The following VPS13B variants were observed in gnomAD, a reference collection of about 807,000 sequenced individuals.
The protein encoded by VPS13B is intermembrane lipid transfer protein VPS13B.
A neutral mutation model predicts 426.4 loss-of-function variants in VPS13B; 285 were observed. The ratio of observed to expected loss-of-function variants is 0.67; its 90% CI spans 0.61 to 0.74. The LOEUF (loss-of-function observed/expected upper bound fraction) is 0.74. Among genes scored for constraint, VPS13B ranks in the 30% least tolerant of loss-of-function variants. The probability of loss-of-function intolerance (pLI) is 0.00; values close to 1 mark genes in which losing one functional copy is unlikely to be tolerated. For missense variants in VPS13B, 4,537 were observed against 4,782.6 expected, an observed-to-expected ratio of 0.95 and a Z score of 1.51; for synonymous variants, 1,676 against 1,676.4, an observed-to-expected ratio of 1.00 and a Z score of 0.01.
At chr8:99,758,795 G>A (rs73271375) in intron 39 of VPS13B, among the ~76,000 whole-genome samples, 2,520 of 152,058 alleles carry the variant, frequency 0.017, 64 homozygotes, top group African/African-American at 0.058. Flanking sequence ...CTTGATTAAT[G>A]AACTCTCCCC....
intron 30 of VPS13B, among the ~76,000 whole-genome samples, chr8:99,523,634 T>C (rs1354936575): frequency 6.6e-6 from 1 of 152,204 alleles, no homozygotes; most frequent in African/African-American, 2.4e-5. Flanking sequence ...AGGTGGCACC[T>C]GTACAAGTCT....
intron 17 of VPS13B, chr8:99,233,514 A>G (rs1413379733): frequency 4.0e-6 from 5 of 1,252,660 alleles, no homozygotes; most frequent in Middle Eastern, 2.7e-4. Flanking sequence ...AAGAATGCTG[A>G]TGCGGGAACG....
At chr8:99,813,249 C>T (rs1423184527) in intron 44 of VPS13B, among the ~76,000 whole-genome samples, 2 of 152,038 alleles carry the variant, frequency 1.3e-5, no homozygotes, top group African/African-American at 4.8e-5. Context: ...ATTTAACAGG[C>T]TTTTTAGTTG....
In VPS13B at chr8:99,631,403, A is replaced by G. The variant is rs189066326; in HGVS notation, c.5221-10408A>G. Among the ~76,000 whole-genome samples the G allele has an allele frequency of 3.3e-5, 5 of 152,224 alleles. No individual in the cohort carries two copies. The East Asian group carries it at 9.7e-4, about 29-fold the overall frequency. On this transcript the variant is annotated intron_variant, in intron 33 of 61. Coordinates refer to ENST00000357162, the MANE Select transcript of VPS13B (RefSeq NM_152564.5). ...ATTAATGGTTTGGCTTGTGGGAGGA[A>G]CTAGGAAGACAACATAATTGAACTA...
At chr8:99,719,702 A>C (rs1833061121) in intron 37 of VPS13B, among the ~76,000 whole-genome samples, 1 of 152,164 alleles carries the variant, frequency 6.6e-6, no homozygotes, top group South Asian at 2.1e-4. Context: ...AATATTACTC[A>C]CATGCAGAAA....
At chr8:99,433,196 C>T (rs949624769) in intron 22 of VPS13B, among the ~76,000 whole-genome samples, 2 of 152,162 alleles carry the variant, frequency 1.3e-5, no homozygotes, top group Non-Finnish European at 2.9e-5. Context: ...AGCAGGCAGA[C>T]AAGAAGTGAT....
Position 99,819,640 on chromosome 8 carries a change from T to C in VPS13B, c.8792+58T>C, listed in dbSNP as rs946449463. The C allele has an allele frequency of 1.7e-5, 27 of 1,563,432 alleles. 1 individual carries two copies. In the East Asian group the frequency reaches 6.2e-4, roughly 36 times the overall value. On this transcript the variant is annotated intron_variant, in intron 48 of 61. Coordinates refer to ENST00000357162, the MANE Select transcript of VPS13B (RefSeq NM_152564.5). ...ATTTCTCAACATTAACAAATGATCA[T>C]TCACAAAAATATTAAATACCATAAG...
intron 3 of VPS13B, among the ~76,000 whole-genome samples, chr8:99,087,238 G>T (rs892983035): frequency 6.6e-5 from 10 of 152,194 alleles, no homozygotes; most frequent in African/African-American, 2.4e-4. Flanking sequence ...GGCTCTGTGG[G>T]CGTAGGACCC....
intron 14 of VPS13B, among the ~76,000 whole-genome samples, chr8:99,152,226 C>A (rs982113394): frequency 6.6e-6 from 1 of 152,126 alleles, no homozygotes; most frequent in Non-Finnish European, 1.5e-5. Flanking sequence ...TCATTTAATT[C>A]AAAGTATTTT....
chr8:99,644,494 G>C (rs959627524), intron 34 of VPS13B, among the ~76,000 whole-genome samples: 1 of 152,122 alleles, frequency 6.6e-6, no homozygotes, highest in African/African-American at 2.4e-5. Context: ...AAAAAACCTT[G>C]TATGTAAACT....
At chr8:99,561,529 C>A (rs1422813203) in intron 31 of VPS13B, among the ~76,000 whole-genome samples, 5 of 152,126 alleles carry the variant, frequency 3.3e-5, no homozygotes, top group African/African-American at 9.7e-5. Context: ...ACTTTGCATA[C>A]CTGTACAGCC....
intron 2 of VPS13B, among the ~76,000 whole-genome samples, chr8:99,016,108 A>G (rs982193185): frequency 6.6e-6 from 1 of 152,238 alleles, no homozygotes; most frequent in African/African-American, 2.4e-5. Context: ...TTGCATAAAG[A>G]TTCCACAATT....
At chr8:99,822,868 G>T (rs1814457611) in intron 50 of VPS13B, among the ~76,000 whole-genome samples, 1 of 152,156 alleles carries the variant, frequency 6.6e-6, no homozygotes, top group Admixed American at 6.6e-5. Flanking sequence ...CTCATGTCAT[G>T]TACCTCTGGA....
intron 30 of VPS13B, among the ~76,000 whole-genome samples, chr8:99,540,012 ATTATATATAT>A (rs1563784785): frequency 1.7e-5 from 1 of 60,368 alleles, no homozygotes; most frequent in African/African-American, 7.0e-5. Flanking sequence ...ATATAAATAA[ATTATATATAT>A]ATATATATAT....
intron 25 of VPS13B, among the ~76,000 whole-genome samples, chr8:99,486,970 G>C (rs946977834): frequency 2.6e-5 from 4 of 152,148 alleles, no homozygotes; most frequent in African/African-American, 9.7e-5. Context: ...GGAGATGATT[G>C]AGTATGCTGG....
chr8:99,492,881 C>G lies in VPS13B; in HGVS notation c.3871-8806C>G, dbSNP rs2017332. ...ACCCTCCATGGGCTGCACCCACTCT[C>G]CAACCAGTCCCAATGAGAAGAATCA... On this transcript the variant is annotated intron_variant, in intron 25 of 61. Coordinates refer to ENST00000357162, the MANE Select transcript of VPS13B (RefSeq NM_152564.5). 1.1e-4 allele frequency among the ~76,000 whole-genome samples: 16 copies of G among 152,290 alleles called. No individual in the cohort carries two copies. In the East Asian group the frequency reaches 3.1e-3, roughly 29 times the overall value.
intron 34 of VPS13B, among the ~76,000 whole-genome samples, chr8:99,660,259 T>C (rs993752819): frequency 3.3e-5 from 5 of 152,196 alleles, no homozygotes; most frequent in African/African-American, 1.2e-4. Flanking sequence ...GGTCAAGAAA[T>C]ACAAATTCCA....
intron 5 of VPS13B, among the ~76,000 whole-genome samples, chr8:99,110,090 C>G (rs1175964790): frequency 1.3e-5 from 2 of 151,956 alleles, no homozygotes; most frequent in Non-Finnish European, 2.9e-5. Flanking sequence ...AACTAACAGA[C>G]AACTTTGAAA....
chr8:99,428,435 T>G (rs1047170176), intron 21 of VPS13B, among the ~76,000 whole-genome samples: 1 of 151,756 alleles, frequency 6.6e-6, no homozygotes, highest in Non-Finnish European at 1.5e-5. Context: ...TCAAACAAAT[T>G]TACAAGAAAA....
Sources: allele counts gnomAD v4.1 joint callset (sites outside exome capture counted in the v4.1 genomes callset), GRCh38; gene constraint gnomAD v4.1.1; transcripts MANE v1.5; gene names NCBI Gene and HGNC (gene_info 2026-07-23, HGNC 2026-07-21).